Variants in CCDC152 observed in about 807,000 individuals in gnomAD.
CCDC152 encodes the protein coiled-coil domain containing 152.
A neutral mutation model predicts 38.1 loss-of-function variants in CCDC152; 37 were observed. The ratio of observed to expected loss-of-function variants is 0.97; its 90% CI spans 0.75 to 1.28. The LOEUF (loss-of-function observed/expected upper bound fraction) is 1.28, where lower values mean the gene tolerates loss of function less well. Ranked by LOEUF, CCDC152 falls within the 50% of genes most tolerant of loss-of-function variation. The pLI is 0.00. For missense variants in CCDC152, 259 were observed against 292.1 expected, an observed-to-expected ratio of 0.89 and a Z score of 0.83; for synonymous variants, 83 against 87.1, an observed-to-expected ratio of 0.95 and a Z score of 0.26.
At chr5:42,764,676 T>C (rs917848821) in intron 3 of CCDC152, among the ~76,000 whole-genome samples, 36 of 152,220 alleles carry the variant, frequency 2.4e-4, no homozygotes, top group African/African-American at 8.2e-4. Context: ...CTAAAAATTA[T>C]ATGACCATTT....
intron 7 of CCDC152, among the ~76,000 whole-genome samples, chr5:42,797,500 C>T (rs230811): frequency 0.29 from 44,705 of 151,992 alleles, 7,148 homozygotes; most frequent in African/African-American, 0.42. Context: ...TACAGTGAAA[C>T]TTTATTTTAG....
At chr5:42,765,495 A>G in intron 3 of CCDC152, among the ~76,000 whole-genome samples, 1 of 152,164 alleles carries the variant, frequency 6.6e-6, no homozygotes, top group East Asian at 1.9e-4. Context: ...GAGGAATCAT[A>G]TTACCTGACT....
At chr5:42,794,648 C>T (rs1479547299) in intron 6 of CCDC152, among the ~76,000 whole-genome samples, 1 of 152,146 alleles carries the variant, frequency 6.6e-6, no homozygotes, top group Non-Finnish European at 1.5e-5. Context: ...TCTTCCAAAC[C>T]TTGTGGAGAT....
chr5:42,786,837 G>A (rs916098327), intron 6 of CCDC152, among the ~76,000 whole-genome samples: 3 of 151,844 alleles, frequency 2.0e-5, no homozygotes, highest in African/African-American at 7.3e-5. Flanking sequence ...GTTTTGGTAT[G>A]TTATGACTGC....
At chr5:42,767,829 G>T (rs1759645790) in intron 3 of CCDC152, among the ~76,000 whole-genome samples, 1 of 152,172 alleles carries the variant, frequency 6.6e-6, no homozygotes, top group Non-Finnish European at 1.5e-5. Flanking sequence ...ATTCTAAAAG[G>T]CACAAAGACA....
intron 1 of CCDC152, among the ~76,000 whole-genome samples, chr5:42,757,417 T>C (rs1325862429): frequency 6.6e-6 from 1 of 152,142 alleles, no homozygotes; most frequent in East Asian, 1.9e-4. Flanking sequence ...GAAACGGAAC[T>C]GTCACGCTCC....
At position 42,801,108 on chromosome 5, in the gene CCDC152, T is replaced by C. The variant is rs1421141482; in HGVS notation, c.*1327T>C. On this transcript the variant is annotated 3_prime_UTR_variant, in exon 9 of 9. Coordinates refer to ENST00000361970, the MANE Select transcript of CCDC152 (RefSeq NM_001134848.2). ...TCGGTTCTCTGGGTGACCCTGCCTA[T>C]GCTGACCCTTGTGCTTATGGTGGTG... The C allele has an allele frequency of 5.0e-6, 8 of 1,614,168 alleles. No homozygotes were observed. The highest frequency in any genetic ancestry group is 1.7e-4 in the Middle Eastern group (1 of 6,060).
chr5:42,790,526 C>T (rs544339621), intron 6 of CCDC152, among the ~76,000 whole-genome samples: 5 of 152,140 alleles, frequency 3.3e-5, no homozygotes, highest in African/African-American at 4.8e-5. Context: ...GGGTCCTCTG[C>T]GAAACAGATG....
intron 1 of CCDC152, among the ~76,000 whole-genome samples, chr5:42,758,618 C>T (rs1759511117): frequency 6.6e-6 from 1 of 152,190 alleles, no homozygotes; most frequent in Admixed American, 6.5e-5. Context: ...AACTCTTATT[C>T]TTCAGCAGTT....
intron 4 of CCDC152, among the ~76,000 whole-genome samples, chr5:42,779,140 T>C (rs977784411): frequency 1.1e-4 from 16 of 152,176 alleles, no homozygotes; most frequent in Non-Finnish European, 4.4e-5. Context: ...CTAAATCCTT[T>C]CCTGACTTCA....
chr5:42,798,520 A>C (rs1039754579), intron 7 of CCDC152, among the ~76,000 whole-genome samples: 1 of 152,228 alleles, frequency 6.6e-6, no homozygotes, highest in Admixed American at 6.5e-5. Flanking sequence ...TGAATGGCCA[A>C]CTGAAATTAA....
At chr5:42,789,942 A>G (rs2111586166) in intron 6 of CCDC152, among the ~76,000 whole-genome samples, 1 of 152,354 alleles carries the variant, frequency 6.6e-6, no homozygotes, top group East Asian at 1.9e-4. Context: ...GAAAGCAACA[A>G]AAAGCACCAA....
rs748759793 is a variant in CCDC152, at chr5:42,801,326, G to C, written c.*1545G>C. The stretch of plus-strand genomic sequence containing the variant: ...CACGTTTACAAAAGTCTTCATCTTT[G>C]AGAGTCTGGAACAAATTTATAAATC... On this transcript the variant is annotated 3_prime_UTR_variant, in exon 9 of 9. Transcript: ENST00000361970. 9.4e-6 allele frequency: 15 copies of C among 1,602,030 alleles called. No homozygotes were observed. Among genetic ancestry groups the C allele is most frequent in the Non-Finnish European group, 1.3e-5 (15 of 1,174,840 alleles).
chr5:42,793,093 T>C (rs542016018), intron 6 of CCDC152, among the ~76,000 whole-genome samples: 1 of 152,306 alleles, frequency 6.6e-6, no homozygotes, highest in African/African-American at 2.4e-5. Flanking sequence ...ATCCATGTAA[T>C]GGAAATTACT....
At chr5:42,773,972 G>T (rs757716823) in intron 4 of CCDC152, among the ~76,000 whole-genome samples, 25 of 152,106 alleles carry the variant, frequency 1.6e-4, no homozygotes, top group Non-Finnish European at 3.4e-4. Flanking sequence ...TCCTTCAAAC[G>T]TACCTCATCT....
At chr5:42,765,976 A>G (rs2111942830) in intron 3 of CCDC152, among the ~76,000 whole-genome samples, 1 of 152,234 alleles carries the variant, frequency 6.6e-6, no homozygotes, top group Admixed American at 6.5e-5. Context: ...TGAAGAGACA[A>G]CCCACAGAAT....
intron 6 of CCDC152, among the ~76,000 whole-genome samples, chr5:42,785,492 A>G (rs963396163): frequency 2.6e-5 from 4 of 151,738 alleles, no homozygotes; most frequent in South Asian, 2.1e-4. Flanking sequence ...TCTAGGGGGA[A>G]TCTTTAGGGT....
intron 4 of CCDC152, 125 bp from the exon 5 acceptor site, chr5:42,779,333 G>T (rs1759811410): frequency 3.1e-6 from 2 of 651,170 alleles, no homozygotes; most frequent in African/African-American, 1.8e-5. Flanking sequence ...GGTGCCTGAA[G>T]TGTAGCAGCT....
Position 42,762,488 on chromosome 5 carries a change from T to C in CCDC152, c.133T>C (p.Leu45=), listed in dbSNP as rs1250708885. 27 of 1,541,808 alleles carry C rather than the reference T, an allele frequency of 1.8e-5. No individual in the cohort carries two copies. Among genetic ancestry groups the C allele is most frequent in the Non-Finnish European group, 2.2e-5 (25 of 1,138,446 alleles). Residue 45 remains leucine, a synonymous_variant, in exon 3 of 9, where the codon TTG becomes CTG. Coordinates refer to ENST00000361970, the MANE Select transcript of CCDC152 (RefSeq NM_001134848.2). ...AAAGAACAATATACTGGATATTCAG[T>C]TGGAAAAAAGTAATTGCCTATTAAA... ...NGKNNILDIQ[L]EKSNCLLKVM... is the part of the protein sequence containing the mutation.
Sources: gnomAD v4.1 joint callset for allele counts (sites outside exome capture counted in the v4.1 genomes callset) on GRCh38, gnomAD v4.1.1 for gene constraint, MANE v1.5 for transcripts, NCBI Gene and HGNC (gene_info 2026-07-23, HGNC 2026-07-21) for gene names.